INSYN1: variants seen among roughly 807,000 people sequenced by gnomAD.
The protein encoded by INSYN1 is inhibitory synaptic factor 1.
Under a neutral mutation model 17.1 loss-of-function variants are expected in INSYN1, and 7 were observed. The ratio of observed to expected loss-of-function variants is 0.41; its 90% confidence interval spans 0.23 to 0.77. The LOEUF (loss-of-function observed/expected upper bound fraction) is 0.77, where lower values mean the gene tolerates loss of function less well. INSYN1 is among the 30% of genes least tolerant of loss of function. INSYN1 has a pLI of 0.32. For missense variants in INSYN1, 339 were observed against 400.6 expected, an observed-to-expected ratio of 0.85 and a Z score of 1.31; for synonymous variants, 174 against 166.3, an observed-to-expected ratio of 1.05 and a Z score of -0.36.
In INSYN1 at chr15:73,737,668, C is replaced by G. The variant is rs753553370; in HGVS notation, c.*2249G>C. 2.0e-5 allele frequency: 3 copies of G among 152,250 alleles called. No homozygotes were observed. The highest frequency in any genetic ancestry group is 2.9e-5 in the Non-Finnish European group (2 of 68,076). The allele number at this position is 152,250 out of a possible 1,614,324, so 9.4% of individuals were successfully genotyped here. A position where few individuals can be genotyped will look rare whatever the true frequency, so the allele number is the denominator to read the frequency against. On this transcript the variant is annotated 3_prime_UTR_variant, in exon 3 of 3. Coordinates refer to ENST00000569673, the MANE Select transcript of INSYN1 (RefSeq NM_001039614.3). ...CTCTACATTGCAGAGCCTCCTAGGT[C>G]TGCTCAGTCTTATCCAGATCATATC...
At position 73,737,416 on chromosome 15, in the gene INSYN1, C is replaced by G. The variant is rs1056781220; in HGVS notation, c.*2501G>C. The G allele has an allele frequency of 6.6e-6, 1 of 152,338 alleles. No individual in the cohort carries two copies. The highest frequency in any genetic ancestry group is 2.4e-5 in the African/African-American group (1 of 41,464). The allele number at this position is 152,338 out of a possible 1,614,324, so 9.4% of individuals were successfully genotyped here. On this transcript the variant is annotated 3_prime_UTR_variant, in exon 3 of 3. Transcript: ENST00000569673. ...GGCGGAATGCAGCTGGCCCCTCTCC[C>G]CAGAGGAGCCCCTGGCACTCATCCT...
At chr15:73,743,063 T>C (rs557263392) in intron 2 of INSYN1, among the ~76,000 whole-genome samples, 1 of 152,282 alleles carries the variant, frequency 6.6e-6, no homozygotes, top group South Asian at 2.1e-4. Context: ...TGCCCTCAAA[T>C]GAGACTCCCC....
Position 73,750,787 on chromosome 15 carries a change from TG to T in INSYN1, c.156+187del, listed in dbSNP as rs201989921. 1.6e-4 allele frequency among the ~76,000 whole-genome samples: 24 copies of T among 152,200 alleles called. No homozygotes were observed. In the East Asian group the frequency reaches 4.3e-3, roughly 27 times the overall value. ...TACAACACCGAGGCCCCTCCAGCCT[TG>T]GGGTCTGATGAGATTTTTAGCAAAG... On this transcript the variant is annotated intron_variant, in intron 2 of 2. Coordinates refer to ENST00000569673, the MANE Select transcript of INSYN1 (RefSeq NM_001039614.3).
intron 2 of INSYN1, among the ~76,000 whole-genome samples, chr15:73,741,042 G>A (rs1480644086): frequency 2.0e-5 from 3 of 152,202 alleles, no homozygotes; most frequent in Non-Finnish European, 4.4e-5. Context: ...AGGGGCTGAG[G>A]GCCTCCAGCA....
In INSYN1 at chr15:73,753,197, C is replaced by T. The variant is rs1022583979; in HGVS notation, c.-1655G>A. Among the ~76,000 whole-genome samples, 1 of 145,462 alleles carries T rather than the reference C, an allele frequency of 6.9e-6. No individual in the cohort carries two copies. Among genetic ancestry groups the T allele is most frequent in the African/African-American group, 2.5e-5 (1 of 40,644 alleles). On this transcript the variant is annotated 5_prime_UTR_variant, in exon 1 of 3. Coordinates refer to ENST00000569673, the MANE Select transcript of INSYN1 (RefSeq NM_001039614.3). This position sits in a 1 kb window ranked among gnomAD's most constrained non-coding sequence, Gnocchi z 4.2. ...GGCTCCCGGGGCCTGGGCCCGCTCC[C>T]CAAGCGCCGCGGCGCCGCGCCGCCC...
Position 73,751,266 on chromosome 15 carries a change from G to A in INSYN1, c.-136C>T. On this transcript the variant is annotated 5_prime_UTR_variant, in exon 2 of 3. Coordinates refer to ENST00000569673, the MANE Select transcript of INSYN1 (RefSeq NM_001039614.3). The stretch of plus-strand genomic sequence containing the variant: ...CCCCAGCCCACCCTGGCCCTGGGCG[G>A]CCCTCAACCAGCCCCTGCCCCCTGC... 9.4e-7 allele frequency: 1 copy of A among 1,066,356 alleles called. No homozygotes were observed. The highest frequency in any genetic ancestry group is 1.3e-6 in the Non-Finnish European group (1 of 743,214). 66.1% of individuals were successfully genotyped at this position (1,066,356 alleles called of 1,614,324 possible). A position where few individuals can be genotyped will look rare whatever the true frequency, so the allele number is the denominator to read the frequency against.
Position 73,751,020 on chromosome 15 carries a change from C to G in INSYN1, c.111G>C (p.Glu37Asp). ...CCTCCTTGAGCTCGCGAAGGATGCC[C>G]TCAAGCTGCCCGATGACCATCTTCA... ...QRMKMVIGQL[E>D]GILRELKEVA... The change falls in exon 2 of 3, where the codon GAG (glutamate) becomes GAC (aspartate). Residue 37 changes from glutamate (E) to aspartate (D), a missense_variant. Physicochemically the swap from Glu to Asp is conservative, Grantham distance 45. Transcript: ENST00000569673. The G allele has an allele frequency of 6.2e-7, 1 of 1,614,148 alleles. No individual in the cohort carries two copies. Among genetic ancestry groups the G allele is most frequent in the Non-Finnish European group, 8.5e-7 (1 of 1,180,030 alleles).
Position 73,740,155 on chromosome 15 carries a change from A to G in INSYN1, c.644T>C (p.Val215Ala). The change falls in exon 3 of 3, where the codon GTG (valine) becomes GCG (alanine). Residue 215 changes from valine (V) to alanine (A), a missense_variant. Val to Ala is a moderately conservative substitution (Grantham distance 64). Transcript: ENST00000569673. ...ATGGGCAGGCTCAGGGGGCAAGCCC[A>G]CTTCTTCCTCCTCCACCTCCTGCTC... ...DGEQEVEEEEVGLPPEPAHTE... is the reference protein window; with the variant it reads ...DGEQEVEEEEAGLPPEPAHTE... 6.2e-7 allele frequency: 1 copy of G among 1,613,830 alleles called. No homozygotes were observed. Among genetic ancestry groups the G allele is most frequent in the Non-Finnish European group, 8.5e-7 (1 of 1,179,904 alleles).
rs1207045243 is a variant in INSYN1 at position 73,752,536 on chromosome 15, C to T, written c.-994G>A. On this transcript the variant is annotated 5_prime_UTR_variant, in exon 1 of 3. Transcript: ENST00000569673. This position sits in a 1 kb window ranked among gnomAD's most constrained non-coding sequence, Gnocchi z 5.2. ...GGCTCTGCACCGTCCGGGATTCGCT[C>T]TGTCCAGTCCAGATCGGCCGGGTCC... 6.6e-6 allele frequency: 1 copy of T among 152,216 alleles called. No homozygotes were observed. Among genetic ancestry groups the T allele is most frequent in the Admixed American group, 6.5e-5 (1 of 15,290 alleles). 9.4% of individuals were successfully genotyped at this position (152,216 alleles called of 1,614,324 possible).
chr15:73,751,955 A>G, intron 1 of INSYN1, among the ~76,000 whole-genome samples, 155 bp downstream of exon 1: 1 of 48,808 alleles, frequency 2.0e-5, no homozygotes, highest in African/African-American at 7.5e-5. Flanking sequence ...CTCCCCCCCC[A>G]CCTTCCCCCC....
rs771270220 is a variant in INSYN1 at position 73,751,115 on chromosome 15, C to T, written c.16G>A (p.Ala6Thr). 1.6e-5 allele frequency: 26 copies of T among 1,613,668 alleles called. No individual in the cohort carries two copies. The highest frequency in any genetic ancestry group is 4.4e-5 in the South Asian group (4 of 91,080). ...TCACTGGGCTGCCCGAGGTCCGGGG[C>T]GCCCCGAATGTTCATCGTTTACCAC... is the stretch of plus-strand genomic sequence containing the variant. MNIRG[A>T]PDLGQPSDDP... is the part of the protein sequence containing the mutation. The change falls in exon 2 of 3, where the codon GCC becomes ACC. Residue 6 changes from alanine (A) to threonine (T), a missense_variant. Coordinates refer to ENST00000569673, the MANE Select transcript of INSYN1 (RefSeq NM_001039614.3).
chr15:73,742,328 G>A (rs1901710970), intron 2 of INSYN1, among the ~76,000 whole-genome samples: 1 of 152,140 alleles, frequency 6.6e-6, no homozygotes, highest in Non-Finnish European at 1.5e-5. Context: ...ACCTCCAAGT[G>A]GGTATGACAA....
chr15:73,749,801 C>A (rs1018796351), intron 2 of INSYN1, among the ~76,000 whole-genome samples: 2 of 152,200 alleles, frequency 1.3e-5, no homozygotes, highest in Admixed American at 1.3e-4. Flanking sequence ...GTAGGCTCCA[C>A]GAGGCTGACC....
intron 2 of INSYN1, among the ~76,000 whole-genome samples, chr15:73,741,086 A>T (rs760506991): frequency 5.3e-5 from 8 of 152,198 alleles, no homozygotes; most frequent in Non-Finnish European, 2.9e-5. Context: ...CAGCCCATGC[A>T]CCCTCAGAGA....
Position 73,752,158 on chromosome 15 carries a change from C to G in INSYN1, c.-616G>C, listed in dbSNP as rs1290077123. On this transcript the variant is annotated 5_prime_UTR_variant, in exon 1 of 3. Coordinates refer to ENST00000569673, the MANE Select transcript of INSYN1 (RefSeq NM_001039614.3). The surrounding 1 kb of genome is among the most constrained non-coding windows in gnomAD (Gnocchi z 5.2). ...CCTCCAAGCAGCGTCGGGGGCCAAG[C>G]CCCAAGACGGAGTTGGGGGGCCCCC... The G allele has an allele frequency of 6.6e-6, 1 of 152,432 alleles. No individual in the cohort carries two copies. The highest frequency in any genetic ancestry group is 1.9e-4 in the East Asian group (1 of 5,154). 9.4% of individuals were successfully genotyped at this position (152,432 alleles called of 1,614,324 possible). A position where few individuals can be genotyped will look rare whatever the true frequency, so the allele number is the denominator to read the frequency against.
At chr15:73,744,167 C>A (rs965472478) in intron 2 of INSYN1, among the ~76,000 whole-genome samples, 90 of 152,322 alleles carry the variant, frequency 5.9e-4, no homozygotes, top group African/African-American at 2.1e-3. Flanking sequence ...TGTGATCATG[C>A]CCCCGCACCA....
chr15:73,740,684 G>C, intron 2 of INSYN1, 42 bp from the exon 3 acceptor site: 1 of 1,523,698 alleles, frequency 6.6e-7, no homozygotes, highest in Non-Finnish European at 9.0e-7. Context: ...GGCCAGGTGG[G>C]TCCCTGCATC....
In INSYN1 at chr15:73,736,251, A is replaced by T. The variant is rs1448090625; in HGVS notation, c.*3666T>A. 6.6e-6 allele frequency: 1 copy of T among 152,268 alleles called. No individual in the cohort carries two copies. The highest frequency in any genetic ancestry group is 6.5e-5 in the Admixed American group (1 of 15,276). The allele number at this position is 152,268 out of a possible 1,614,324, so 9.4% of individuals were successfully genotyped here. A position where few individuals can be genotyped will look rare whatever the true frequency, so the allele number is the denominator to read the frequency against. On this transcript the variant is annotated 3_prime_UTR_variant, in exon 3 of 3. Transcript: ENST00000569673. ...TGACTCAGCAGTGTTGAAAGTCAGA[A>T]TTCTCTCTATCCCTAGCTGGCCACA...
At chr15:73,749,656 C>A (rs771510321) in intron 2 of INSYN1, among the ~76,000 whole-genome samples, 21 of 152,190 alleles carry the variant, frequency 1.4e-4, no homozygotes, top group Admixed American at 1.4e-3. Context: ...GGGCATCTGG[C>A]GCTTGATCTC....
Sources: gnomAD v4.1 joint callset for allele counts (sites outside exome capture counted in the v4.1 genomes callset) on GRCh38, gnomAD v4.1.1 for gene constraint, Gnocchi (gnomAD v3.1) non-coding constraint, MANE v1.5 for transcripts, NCBI Gene and HGNC (gene_info 2026-07-23, HGNC 2026-07-21) for gene names.